The following ADAM32 variants were observed in gnomAD, a reference collection of about 807,000 sequenced individuals.
The protein encoded by ADAM32 is disintegrin and metalloproteinase domain-containing protein 32.
ADAM32 carries 89 observed loss-of-function variants against 114.9 expected under a neutral mutation model. The observed-to-expected ratio is 0.77, with a 90% CI of 0.65 to 0.92. The LOEUF (loss-of-function observed/expected upper bound fraction) is 0.92, where lower values mean the gene tolerates loss of function less well. Among genes scored for constraint, ADAM32 ranks in the 40% least tolerant of loss-of-function variants. The probability of loss-of-function intolerance (pLI) is 0.00; values close to 1 mark genes in which losing one functional copy is unlikely to be tolerated. For missense variants in ADAM32, 870 were observed against 932.8 expected (o/e 0.93, Z 0.88); for synonymous variants, 285 against 307.5 (o/e 0.93, Z 0.77).
intron 3 of ADAM32, among the ~76,000 whole-genome samples, chr8:39,140,578 C>T: frequency 6.6e-6 from 1 of 152,192 alleles, no homozygotes; most frequent in East Asian, 1.9e-4. Context: ...AGGATTTTCG[C>T]ATCGATGTTC....
At chr8:39,198,812 C>A (rs1807190214) in intron 11 of ADAM32, among the ~76,000 whole-genome samples, 1 of 151,808 alleles carries the variant, frequency 6.6e-6, no homozygotes, top group Admixed American at 6.6e-5. Context: ...GTGAGTTGTA[C>A]ACTTGTATGT....
intron 1 of ADAM32, 129 bp downstream of exon 1, chr8:39,107,962 A>T: frequency 1.6e-6 from 2 of 1,249,930 alleles, no homozygotes; most frequent in Non-Finnish European, 2.1e-6. Context: ...GGCCTTTTCC[A>T]GGGGATTAGG....
intron 19 of ADAM32, among the ~76,000 whole-genome samples, chr8:39,263,308 A>G (rs1056291292): frequency 1.3e-5 from 2 of 152,168 alleles, no homozygotes; most frequent in Non-Finnish European, 1.5e-5. Context: ...GATGTCTGCT[A>G]TCAGTCTAAT....
At chr8:39,212,984 A>G (rs1350712413) in intron 12 of ADAM32, among the ~76,000 whole-genome samples, 1 of 152,094 alleles carries the variant, frequency 6.6e-6, no homozygotes, top group Non-Finnish European at 1.5e-5. Context: ...TGATTACTTT[A>G]ATGATGTTGA....
intron 12 of ADAM32, among the ~76,000 whole-genome samples, chr8:39,218,214 C>A (rs1808721285): frequency 6.6e-6 from 1 of 152,164 alleles, no homozygotes; most frequent in African/African-American, 2.4e-5. Context: ...TTCTCTCAAA[C>A]AAATGGAATT....
intron 19 of ADAM32, among the ~76,000 whole-genome samples, chr8:39,269,990 A>G (rs985054556): frequency 6.6e-6 from 1 of 152,146 alleles, no homozygotes. Context: ...CGGAGGGGCA[A>G]GAACCTCTTA....
intron 2 of ADAM32, among the ~76,000 whole-genome samples, chr8:39,118,782 G>T (rs1202397623): frequency 6.6e-6 from 1 of 152,160 alleles, no homozygotes; most frequent in Non-Finnish European, 1.5e-5. Flanking sequence ...ACACCATAGA[G>T]TTCACCCATT....
At chr8:39,147,432 TTAAA>T (rs920191937) in intron 4 of ADAM32, among the ~76,000 whole-genome samples, 2 of 151,924 alleles carry the variant, frequency 1.3e-5, no homozygotes, top group African/African-American at 4.8e-5. Context: ...TGATATTTTG[TTAAA>T]TAAAATATTT....
intron 6 of ADAM32, among the ~76,000 whole-genome samples, chr8:39,156,980 T>C (rs1345376180): frequency 1.3e-5 from 2 of 152,228 alleles, no homozygotes; most frequent in Admixed American, 6.5e-5. Flanking sequence ...GCAAGTCTAC[T>C]AGCAATGAGC....
chr8:39,238,855 C>A (rs111587939), intron 16 of ADAM32, among the ~76,000 whole-genome samples: 6 of 151,702 alleles, frequency 4.0e-5, no homozygotes, highest in African/African-American at 1.5e-4. Flanking sequence ...GGAATGAACC[C>A]AATCTGACAC....
intron 8 of ADAM32, 75 bp downstream of exon 8, chr8:39,164,910 C>A: frequency 1.3e-6 from 2 of 1,507,768 alleles, no homozygotes; most frequent in Non-Finnish European, 1.8e-6. Context: ...ATGCGGTATT[C>A]CTGGATAATT....
At chr8:39,247,824 G>T (rs1811026501) in intron 17 of ADAM32, among the ~76,000 whole-genome samples, 3 of 143,036 alleles carry the variant, frequency 2.1e-5, no homozygotes, top group African/African-American at 2.6e-5. Context: ...TTTTAGCTTT[G>T]CATTTTACAT....
At chr8:39,266,844 A>G (rs1812391678) in intron 19 of ADAM32, among the ~76,000 whole-genome samples, 1 of 152,120 alleles carries the variant, frequency 6.6e-6, no homozygotes, top group Admixed American at 6.6e-5. Context: ...ACATTCTCTG[A>G]TACCTTAAGG....
chr8:39,109,794 A>G (rs546552589), intron 1 of ADAM32, among the ~76,000 whole-genome samples: 15 of 152,280 alleles, frequency 9.9e-5, no homozygotes, highest in African/African-American at 3.4e-4. Flanking sequence ...TGCCCATTCT[A>G]TGGTTTTGAC....
intron 3 of ADAM32, among the ~76,000 whole-genome samples, chr8:39,142,403 G>A (rs1803217876): frequency 6.6e-6 from 1 of 152,154 alleles, no homozygotes; most frequent in Non-Finnish European, 1.5e-5. Context: ...GCCTGTTGGT[G>A]ACAAAATCTC....
intron 22 of ADAM32, among the ~76,000 whole-genome samples, chr8:39,277,982 T>G (rs747377944): frequency 6.6e-6 from 1 of 152,154 alleles, no homozygotes; most frequent in Non-Finnish European, 1.5e-5. Flanking sequence ...GCTCCCAAAC[T>G]CTTGTCTGGC....
At chr8:39,117,980 A>G in intron 1 of ADAM32, 106 bp from the exon 2 acceptor site, 1 of 657,694 alleles carries the variant, frequency 1.5e-6, no homozygotes, top group Non-Finnish European at 2.5e-6. Flanking sequence ...GTACACAGTG[A>G]TGAGCCACCC....
At chr8:39,164,927 C>T in intron 8 of ADAM32, 92 bp downstream of exon 8, 3 of 1,480,150 alleles carry the variant, frequency 2.0e-6, no homozygotes, top group Non-Finnish European at 2.8e-6. Flanking sequence ...AATTAACCCA[C>T]CCATATAAAC....
rs373082857 is a variant in ADAM32, at chr8:39,246,067, A to G, written c.1819-16A>G. On this transcript the variant is annotated splice_polypyrimidine_tract_variant and intron_variant, in intron 16 of 24. Transcript: ENST00000379907. ...CCTCTGACATGGGAACTTTTTTTGT[A>G]TGTGTTTTTCTTTAGGTTTGTGTAA... 530 of 1,608,912 alleles carry G rather than the reference A, an allele frequency of 3.3e-4. No homozygotes were observed. The highest frequency in any genetic ancestry group is 4.2e-4 in the Non-Finnish European group (498 of 1,175,838).
Sources: gnomAD v4.1 joint callset for allele counts (sites outside exome capture counted in the v4.1 genomes callset) on GRCh38, gnomAD v4.1.1 for gene constraint, MANE v1.5 for transcripts, NCBI Gene and HGNC (gene_info 2026-07-23, HGNC 2026-07-21) for gene names.